The following HS3ST6 variants were observed in gnomAD, a reference collection of about 807,000 sequenced individuals.
The protein encoded by HS3ST6 is heparan sulfate glucosamine 3-O-sulfotransferase 6.
In HS3ST6, 13 loss-of-function variants were observed where a neutral mutation model predicts 11.0. The ratio of observed to expected loss-of-function variants is 1.18; its 90% CI spans 0.77 to 1.88. The LOEUF (loss-of-function observed/expected upper bound fraction) is 1.88, where lower values mean the gene tolerates loss of function less well. Among genes scored for constraint, HS3ST6 ranks in the 40% most tolerant of loss-of-function variants. HS3ST6 has a pLI of 0.00. For synonymous variants in HS3ST6, 232 were observed against 230.6 expected (o/e 1.01, Z -0.06); for missense variants, 541 against 494.4 (o/e 1.09, Z -0.89).
upstream of HS3ST6, among the ~76,000 whole-genome samples, chr16:1,920,415 G>T (rs1447185370): frequency 6.9e-6 from 1 of 144,692 alleles, no homozygotes; most frequent in African/African-American, 2.6e-5. Flanking sequence ...CAGTCCCCAC[G>T]GTCTCAGCCA....
Position 1,911,502 on chromosome 16 carries a change from A to G in HS3ST6, c.*88T>C. ...TGGGTCCAAGCTTTATTTCTTAAATATTCCTCTCTGCCCAGCATGTGCACG... is the reference window on the plus strand; with the variant it reads ...TGGGTCCAAGCTTTATTTCTTAAATGTTCCTCTCTGCCCAGCATGTGCACG... On this transcript the variant is annotated 3_prime_UTR_variant, in exon 2 of 2. Coordinates refer to ENST00000454677, the MANE Select transcript of HS3ST6 (RefSeq NM_001009606.4). 1 of 1,388,036 alleles carries G rather than the reference A, an allele frequency of 7.2e-7. No individual in the cohort carries two copies. 86.0% of individuals were successfully genotyped at this position (1,388,036 alleles called of 1,614,324 possible). A position where few individuals can be genotyped will look rare whatever the true frequency, so the allele number is the denominator to read the frequency against.
chr16:1,916,271 T>C (rs8043844), intron 1 of HS3ST6, among the ~76,000 whole-genome samples: 59,359 of 151,620 alleles, frequency 0.39, 11,801 homozygotes, highest in South Asian at 0.56. Flanking sequence ...CAAGGGACAA[T>C]ACCAGATTAA....
At chr16:1,918,423 G>A (rs1317072078), upstream of HS3ST6, 1 of 165,502 alleles carries the variant, frequency 6.0e-6, no homozygotes, top group Non-Finnish European at 1.3e-5. This position sits in a 1 kb window ranked among gnomAD's most constrained non-coding sequence, Gnocchi z 6.0. Flanking sequence ...TGTGCTCTGC[G>A]CCCGGCGGTC....
At chr16:1,920,855 G>A (rs2082960635), upstream of HS3ST6, among the ~76,000 whole-genome samples, 1 of 152,204 alleles carries the variant, frequency 6.6e-6, no homozygotes, top group African/African-American at 2.4e-5. Context: ...GCACCTAACA[G>A]AGCCTGGCAC....
chr16:1,915,276 T>G (rs1207953798), intron 1 of HS3ST6, among the ~76,000 whole-genome samples: 1 of 152,176 alleles, frequency 6.6e-6, no homozygotes, highest in East Asian at 1.9e-4. Context: ...TTGTTTTGTT[T>G]GTTTTTGAGA....
chr16:1,920,220 G>A (rs1278952740), upstream of HS3ST6, among the ~76,000 whole-genome samples: 5 of 105,618 alleles, frequency 4.7e-5, no homozygotes, highest in South Asian at 3.6e-4. Flanking sequence ...GAGCCCCCAC[G>A]GTCTCAGCCA....
At chr16:1,917,675 A>G (rs754196752) in intron 1 of HS3ST6, among the ~76,000 whole-genome samples, 41 of 152,278 alleles carry the variant, frequency 2.7e-4, no homozygotes, top group Non-Finnish European at 4.7e-4. Context: ...AGAGAACGGA[A>G]CCGGGGCTTT....
chr16:1,914,244 G>A lies in HS3ST6; in HGVS notation c.414-2039C>T, dbSNP rs74485139. 4.4e-3 allele frequency among the ~76,000 whole-genome samples: 669 copies of A among 152,270 alleles called. 6 individuals are homozygous for A. The highest frequency in any genetic ancestry group is 0.03 in the East Asian group (157 of 5,158). On this transcript the variant is annotated intron_variant, in intron 1 of 1. Coordinates refer to ENST00000454677, the MANE Select transcript of HS3ST6 (RefSeq NM_001009606.4). ...GCCCCACCTCCTGCAGCTGGAACCC[G>A]CGTGGGAGCCGCACCCAGCGTCCCA...
Position 1,918,267 on chromosome 16 carries a change from G to A in HS3ST6, c.57C>T (p.Ala19=). ...GGAGGGQGAG[A]GQGAALRASR... Reference sequence around the variant, plus strand: ...ACGCCCGCAGAGCGGCCCCTTGCCCGGCCCCTGCGCCCTGGCCGCCCCCGG... The same window carrying A: ...ACGCCCGCAGAGCGGCCCCTTGCCCAGCCCCTGCGCCCTGGCCGCCCCCGG... Residue 19 remains alanine (A), a synonymous_variant, in exon 1 of 2, where the codon GCC becomes GCT. Transcript: ENST00000454677. The surrounding 1 kb of genome is among the most constrained non-coding windows in gnomAD (Gnocchi z 6.0). 1 of 976,566 alleles carries A rather than the reference G, an allele frequency of 1.0e-6. No individual in the cohort carries two copies. Among genetic ancestry groups the A allele is most frequent in the Non-Finnish European group, 1.2e-6 (1 of 817,962 alleles). The allele number at this position is 976,566 out of a possible 1,614,324, so 60.5% of individuals were successfully genotyped here. A position where few individuals can be genotyped will look rare whatever the true frequency, so the allele number is the denominator to read the frequency against.
chr16:1,919,424 C>T (rs2082949027), upstream of HS3ST6, among the ~76,000 whole-genome samples: 3 of 151,960 alleles, frequency 2.0e-5, no homozygotes, highest in African/African-American at 7.2e-5. Flanking sequence ...GGAGGCGAGC[C>T]GGGCTCAGAG....
Position 1,912,306 on chromosome 16 carries a change from G to A in HS3ST6, c.414-101C>T. 9.1e-7 allele frequency: 1 copy of A among 1,098,290 alleles called. No individual in the cohort carries two copies. Among genetic ancestry groups the A allele is most frequent in the South Asian group, 4.1e-5 (1 of 24,370 alleles). 68.0% of individuals were successfully genotyped at this position (1,098,290 alleles called of 1,614,324 possible). ...GCCCCCTTATGCCCGGGAAGCCCAG[G>A]CCTCCAGGGCGAGCAAGTCTTCCTC... On this transcript the variant is annotated intron_variant, in intron 1 of 1. Transcript: ENST00000454677. This position sits in a 1 kb window ranked among gnomAD's most constrained non-coding sequence, Gnocchi z 5.6.
intron 1 of HS3ST6, among the ~76,000 whole-genome samples, chr16:1,917,437 T>C (rs1307025855): frequency 3.3e-5 from 5 of 152,268 alleles, no homozygotes; most frequent in Admixed American, 2.0e-4. Flanking sequence ...CAAGGGTTCC[T>C]GTGCGCAGAC....
At chr16:1,915,306 A>G (rs1053886293) in intron 1 of HS3ST6, among the ~76,000 whole-genome samples, 1 of 151,738 alleles carries the variant, frequency 6.6e-6, no homozygotes, top group Non-Finnish European at 1.5e-5. Flanking sequence ...ACTCCAGCTG[A>G]CTCTTGTCGC....
At chr16:1,917,338 AC>A (rs2082932716) in intron 1 of HS3ST6, among the ~76,000 whole-genome samples, 1 of 152,148 alleles carries the variant, frequency 6.6e-6, no homozygotes, top group African/African-American at 2.4e-5. Context: ...AGCCCCATGC[AC>A]GGGGCTGGAC....
chr16:1,912,720 T>G lies in HS3ST6; in HGVS notation c.414-515A>C, dbSNP rs1417032093. 6.6e-6 allele frequency among the ~76,000 whole-genome samples: 1 copy of G among 151,802 alleles called. No individual in the cohort carries two copies. The highest frequency in any genetic ancestry group is 2.4e-5 in the African/African-American group (1 of 41,304). ...CCCTAAATCAGCCCTTCACCAATTA[T>G]TGACAGTGTGTCCTCAACCAAAAGT... is the stretch of plus-strand genomic sequence containing the variant. On this transcript the variant is annotated intron_variant, in intron 1 of 1. Coordinates refer to ENST00000454677, the MANE Select transcript of HS3ST6 (RefSeq NM_001009606.4). The surrounding 1 kb of genome is among the most constrained non-coding windows in gnomAD (Gnocchi z 5.6).
chr16:1,916,509 G>A (rs1055960834), intron 1 of HS3ST6, among the ~76,000 whole-genome samples: 3 of 151,856 alleles, frequency 2.0e-5, no homozygotes, highest in African/African-American at 7.2e-5. Context: ...ATCCCCCAGC[G>A]CTGGACACAT....
At chr16:1,914,193 T>C (rs1240185846) in intron 1 of HS3ST6, among the ~76,000 whole-genome samples, 1 of 151,992 alleles carries the variant, frequency 6.6e-6, no homozygotes, top group Admixed American at 6.5e-5. Context: ...AAGGGTGGTG[T>C]CAGTCCCAGA....
chr16:1,916,296 C>T (rs1030352846), intron 1 of HS3ST6, among the ~76,000 whole-genome samples: 1 of 152,126 alleles, frequency 6.6e-6, no homozygotes, highest in Non-Finnish European at 1.5e-5. Flanking sequence ...GCAGAAGCCA[C>T]GGGACTGACC....
rs568596016 is a variant in HS3ST6 at position 1,912,475 on chromosome 16, C to T, written c.414-270G>A. Reference sequence around the variant, plus strand: ...GCTGCTGCACTGAGGATTAGGGTGACGGTCGCTGGTCGGGAGGCCCAAATG... The same window carrying T: ...GCTGCTGCACTGAGGATTAGGGTGATGGTCGCTGGTCGGGAGGCCCAAATG... On this transcript the variant is annotated intron_variant, in intron 1 of 1. Transcript: ENST00000454677. The surrounding 1 kb of genome is among the most constrained non-coding windows in gnomAD (Gnocchi z 5.6). Among the ~76,000 whole-genome samples the T allele has an allele frequency of 3.3e-5, 5 of 152,274 alleles. No individual in the cohort carries two copies. The highest frequency in any genetic ancestry group is 1.2e-4 in the African/African-American group (5 of 41,564).
Sources: allele counts gnomAD v4.1 joint callset (sites outside exome capture counted in the v4.1 genomes callset), GRCh38; gene constraint gnomAD v4.1.1; non-coding constraint Gnocchi (gnomAD v3.1); transcripts MANE v1.5; gene names NCBI Gene and HGNC (gene_info 2026-07-23, HGNC 2026-07-21).